DPY19L2: variants seen among roughly 807,000 people sequenced by gnomAD.
DPY19L2 encodes the protein dpy-19 like 2.
DPY19L2 carries 34 observed loss-of-function variants against 97.9 expected under a neutral mutation model. The ratio of observed to expected loss-of-function variants is 0.35; its 90% confidence interval spans 0.26 to 0.46. The LOEUF (loss-of-function observed/expected upper bound fraction) is 0.46, where lower values mean the gene tolerates loss of function less well. Ranked by LOEUF, DPY19L2 falls within the 20% of genes least tolerant of loss-of-function variation. DPY19L2 has a pLI of 1.00. For missense variants in DPY19L2, 623 were observed against 911.4 expected, an observed-to-expected ratio of 0.68 and a Z score of 4.07; for synonymous variants, 230 against 307.9, an observed-to-expected ratio of 0.75 and a Z score of 2.65.
intron 14 of DPY19L2, among the ~76,000 whole-genome samples, chr12:63,596,448 A>G (rs1387068147): frequency 6.6e-6 from 1 of 152,202 alleles, no homozygotes; most frequent in African/African-American, 2.4e-5. Flanking sequence ...AACCAAAGTT[A>G]ATGACTAAAA....
intron 12 of DPY19L2, among the ~76,000 whole-genome samples, chr12:63,602,399 G>T (rs1885334287): frequency 6.6e-6 from 1 of 152,094 alleles, no homozygotes; most frequent in South Asian, 2.1e-4. Context: ...AAGTATCAGA[G>T]AAAGTGGTAG....
chr12:63,584,513 C>A, intron 16 of DPY19L2, among the ~76,000 whole-genome samples: 1 of 152,236 alleles, frequency 6.6e-6, no homozygotes, highest in South Asian at 2.1e-4. Flanking sequence ...TAAACAATTC[C>A]TAAGTTTTAA....
At position 63,577,177 on chromosome 12, in the gene DPY19L2, A is replaced by G. The variant is rs144091741; in HGVS notation, c.1900+3485T>C. Reference sequence around the variant, plus strand: ...TTTTACAGCAGTCCCAAAAACATACACTGGGGAAAGGGCAATCTCTTCAAT... The same window carrying G: ...TTTTACAGCAGTCCCAAAAACATACGCTGGGGAAAGGGCAATCTCTTCAAT... On this transcript the variant is annotated intron_variant, in intron 19 of 21. Coordinates refer to ENST00000324472, the MANE Select transcript of DPY19L2 (RefSeq NM_173812.5). Among the ~76,000 whole-genome samples the G allele has an allele frequency of 3.1e-3, 468 of 152,186 alleles. 4 individuals carry two copies. Among genetic ancestry groups the G allele is most frequent in the African/African-American group, 9.9e-3 (410 of 41,540 alleles).
At chr12:63,628,943 C>A (rs575793990) in intron 6 of DPY19L2, among the ~76,000 whole-genome samples, 16 of 151,960 alleles carry the variant, frequency 1.1e-4, no homozygotes, top group African/African-American at 3.9e-4. Flanking sequence ...ACTGCTGATA[C>A]CCACGCAAAC....
chr12:63,645,713 T>C (rs1893320145), intron 5 of DPY19L2, among the ~76,000 whole-genome samples: 1 of 152,172 alleles, frequency 6.6e-6, no homozygotes, highest in Non-Finnish European at 1.5e-5. Context: ...TACCAAGTCT[T>C]GTCCATTCTG....
upstream of DPY19L2, chr12:63,668,520 C>G: frequency 2.0e-6 from 2 of 1,000,106 alleles, no homozygotes; most frequent in Non-Finnish European, 2.8e-6. Context: ...GCGGACCTCC[C>G]GGTCGTCATG....
At chr12:63,586,094 C>T (rs564124186) in intron 16 of DPY19L2, among the ~76,000 whole-genome samples, 2 of 152,204 alleles carry the variant, frequency 1.3e-5, no homozygotes, top group East Asian at 1.9e-4. Flanking sequence ...AATAAGAGAA[C>T]AACAACACAC....
At chr12:63,567,787 G>A (rs1036735473) in intron 21 of DPY19L2, among the ~76,000 whole-genome samples, 5 of 152,036 alleles carry the variant, frequency 3.3e-5, no homozygotes, top group East Asian at 1.9e-4. Context: ...ATTAAATAGA[G>A]AATTGTTGAT....
At chr12:63,604,999 G>A (rs572507345) in intron 12 of DPY19L2, among the ~76,000 whole-genome samples, 14 of 152,146 alleles carry the variant, frequency 9.2e-5, no homozygotes, top group Admixed American at 7.2e-4. Flanking sequence ...TTTGTTTTTA[G>A]GTTTATCACG....
chr12:63,627,715 C>A (rs898892133), intron 6 of DPY19L2, among the ~76,000 whole-genome samples: 5 of 152,090 alleles, frequency 3.3e-5, no homozygotes, highest in African/African-American at 7.2e-5. Context: ...ATGCTCAATC[C>A]CACATCTGTG....
At chr12:63,603,547 G>T (rs57426854) in intron 12 of DPY19L2, among the ~76,000 whole-genome samples, 60,434 of 151,708 alleles carry the variant, frequency 0.4, 12,069 homozygotes, top group East Asian at 0.48. Context: ...ACAAGCCCCA[G>T]TGTGTGTTGT....
intron 6 of DPY19L2, among the ~76,000 whole-genome samples, chr12:63,634,132 G>C (rs927662904): frequency 6.6e-6 from 1 of 152,096 alleles, no homozygotes; most frequent in Non-Finnish European, 1.5e-5. Context: ...GTTACTGGGT[G>C]CAGCACACCA....
chr12:63,638,647 G>C (rs1296218782), intron 6 of DPY19L2, among the ~76,000 whole-genome samples: 2 of 151,984 alleles, frequency 1.3e-5, no homozygotes, highest in Non-Finnish European at 2.9e-5. Flanking sequence ...AACTCACAAG[G>C]GATGCGAAGG....
At chr12:63,663,411 C>T (rs1028726681) in intron 3 of DPY19L2, among the ~76,000 whole-genome samples, 2 of 152,016 alleles carry the variant, frequency 1.3e-5, no homozygotes, top group Middle Eastern at 3.2e-3. Context: ...TTAAAAGGCC[C>T]AGGTAAAACA....
chr12:63,646,099 G>A (rs1302163754), intron 5 of DPY19L2, among the ~76,000 whole-genome samples: 3 of 152,028 alleles, frequency 2.0e-5, no homozygotes, highest in Admixed American at 2.0e-4. Context: ...CTTACTCCTA[G>A]TGTCAGTAAC....
rs188320757 is a variant in DPY19L2, at chr12:63,662,697, G to A, written c.450+1061C>T. On this transcript the variant is annotated intron_variant, in intron 3 of 21. Transcript: ENST00000324472. Reference sequence around the variant, plus strand: ...CGCAGAACTGCTATTAGAATCCAGCGATCTGTCACCAAAGTCCAGACTCTG... The same window carrying A: ...CGCAGAACTGCTATTAGAATCCAGCAATCTGTCACCAAAGTCCAGACTCTG... Among the ~76,000 whole-genome samples the A allele has an allele frequency of 1.8e-3, 269 of 152,168 alleles. 2 individuals carry two copies. The highest frequency in any genetic ancestry group is 6.3e-3 in the African/African-American group (262 of 41,508).
chr12:63,584,109 T>G, intron 16 of DPY19L2: 2 of 352,032 alleles, frequency 5.7e-6, no homozygotes, highest in South Asian at 7.5e-5. Flanking sequence ...AGATTGTACC[T>G]CTCATTAATA....
intron 12 of DPY19L2, among the ~76,000 whole-genome samples, chr12:63,604,111 C>T (rs1476052609): frequency 2.6e-5 from 4 of 152,164 alleles, no homozygotes; most frequent in Admixed American, 2.6e-4. Flanking sequence ...CCCTTCATTC[C>T]TAAAGGAAAC....
chr12:63,607,292 ACCT>A (rs768422102), intron 12 of DPY19L2, among the ~76,000 whole-genome samples: 27 of 152,070 alleles, frequency 1.8e-4, no homozygotes, highest in Admixed American at 1.3e-3. Context: ...TGAAATTCTG[ACCT>A]CCTTTTGAGT....
Sources: allele counts gnomAD v4.1 joint callset (sites outside exome capture counted in the v4.1 genomes callset), GRCh38; gene constraint gnomAD v4.1.1; transcripts MANE v1.5; gene names NCBI Gene and HGNC (gene_info 2026-07-23, HGNC 2026-07-21).